The following MEIOB variants were observed in gnomAD, a reference collection of about 807,000 sequenced individuals.
The protein encoded by MEIOB is meiosis-specific with OB domain-containing protein.
Under a neutral mutation model 53.1 loss-of-function variants are expected in MEIOB, and 50 were observed. That is an observed-to-expected ratio of 0.94 (90% CI 0.75 to 1.19). MEIOB has a LOEUF of 1.19. MEIOB is among the 50% of genes most tolerant of loss of function. The probability of loss-of-function intolerance (pLI) is 0.00; values close to 1 mark genes in which losing one functional copy is unlikely to be tolerated. For missense variants in MEIOB, 551 were observed against 550.8 expected, an observed-to-expected ratio of 1.00 and a Z score of 0.00; for synonymous variants, 192 against 182.5, an observed-to-expected ratio of 1.05 and a Z score of -0.42.
At chr16:1,849,705 C>T (rs9938725) in intron 9 of MEIOB, among the ~76,000 whole-genome samples, 125,390 of 151,640 alleles carry the variant, frequency 0.83, 51,963 homozygotes, top group Middle Eastern at 0.9. Context: ...CACACAAATT[C>T]GTGCATTCTC....
At chr16:1,858,300 T>C (rs896681970) in intron 5 of MEIOB, among the ~76,000 whole-genome samples, 1 of 152,178 alleles carries the variant, frequency 6.6e-6, no homozygotes, top group African/African-American at 2.4e-5. Context: ...TGTTCTGCCT[T>C]AGTGCCTCAG....
chr16:1,866,713 T>G (rs1453624756), intron 2 of MEIOB, among the ~76,000 whole-genome samples: 1 of 150,180 alleles, frequency 6.7e-6, no homozygotes, highest in Admixed American at 6.7e-5. Flanking sequence ...AGAGCAGGAC[T>G]CCATCGCAAA....
intron 13 of MEIOB, 120 bp downstream of exon 13, chr16:1,837,664 A>G (rs59651420): frequency 0.18 from 94,457 of 534,596 alleles, 9,039 homozygotes; most frequent in South Asian, 0.27. Flanking sequence ...ATCCTTATGC[A>G]CATCTGGGAA....
At chr16:1,867,328 C>G (rs889116472) in intron 2 of MEIOB, among the ~76,000 whole-genome samples, 48 of 152,108 alleles carry the variant, frequency 3.2e-4, no homozygotes, top group Middle Eastern at 3.4e-3. Context: ...CTCAAAGAGT[C>G]AATTTTCACA....
At chr16:1,856,174 G>C (rs949278608) in intron 6 of MEIOB, among the ~76,000 whole-genome samples, 1 of 55,054 alleles carries the variant, frequency 1.8e-5, no homozygotes, top group African/African-American at 7.2e-5. Flanking sequence ...TTTTTTTTTT[G>C]AGACGGAGTC....
chr16:1,862,999 T>C (rs571965578), intron 3 of MEIOB, among the ~76,000 whole-genome samples: 67 of 151,206 alleles, frequency 4.4e-4, no homozygotes, highest in African/African-American at 1.5e-3. Context: ...GGAGGTGAGG[T>C]AGGAGAATCA....
intron 12 of MEIOB, chr16:1,838,208 C>A: frequency 2.3e-6 from 1 of 441,372 alleles, no homozygotes; most frequent in Non-Finnish European, 4.0e-6. Context: ...CTATGTTGCC[C>A]AGGGTGATCT....
intron 9 of MEIOB, 140 bp downstream of exon 9, chr16:1,852,899 T>C (rs1316895404): frequency 2.1e-5 from 13 of 605,978 alleles, no homozygotes; most frequent in African/African-American, 9.2e-5. Flanking sequence ...TGTAAGTTTT[T>C]AAAAAAGTTA....
At chr16:1,854,050 TG>T in intron 7 of MEIOB, 49 bp downstream of exon 7, 2 of 1,027,302 alleles carry the variant, frequency 1.9e-6, no homozygotes, top group Non-Finnish European at 2.9e-6. Context: ...GAAAATGTCC[TG>T]GTGATAACTA....
At chr16:1,863,448 G>A (rs1008248242) in intron 3 of MEIOB, among the ~76,000 whole-genome samples, 1 of 151,376 alleles carries the variant, frequency 6.6e-6, no homozygotes, top group Non-Finnish European at 1.5e-5. Context: ...GTGCAATGGC[G>A]CGATCTCAGC....
rs991528792 is a variant in MEIOB at position 1,872,148 on chromosome 16, C to G, written c.-165G>C. On this transcript the variant is annotated 5_prime_UTR_variant, in exon 1 of 14. Transcript: ENST00000325962. Reference sequence around the variant, plus strand: ...CGTGCAGGTGCGACGGCCGCGCGACCGTTAGCGCGAGGCCCCGCCCCGTCC... The same window carrying G: ...CGTGCAGGTGCGACGGCCGCGCGACGGTTAGCGCGAGGCCCCGCCCCGTCC... 2 of 152,020 alleles carry G rather than the reference C, an allele frequency of 1.3e-5. No individual in the cohort carries two copies. The highest frequency in any genetic ancestry group is 4.8e-5 in the African/African-American group (2 of 41,418). The allele number at this position is 152,020 out of a possible 1,614,324, so 9.4% of individuals were successfully genotyped here.
intron 5 of MEIOB, 37 bp downstream of exon 5, chr16:1,860,366 C>T (rs1899411780): frequency 8.9e-7 from 1 of 1,121,330 alleles, no homozygotes; most frequent in Admixed American, 2.1e-5. Flanking sequence ...TAGTAATGAT[C>T]ATTCTCGCAC....
chr16:1,852,083 G>C (rs1304184464), intron 9 of MEIOB, among the ~76,000 whole-genome samples: 2 of 152,138 alleles, frequency 1.3e-5, no homozygotes. Flanking sequence ...ACTACACAGA[G>C]AGTACTGTGT....
Position 1,868,170 on chromosome 16 carries a change from T to A in MEIOB, c.6A>T (p.Ala2=), listed in dbSNP as rs1239360715. 1 of 1,519,540 alleles carries A rather than the reference T, an allele frequency of 6.6e-7. No individual in the cohort carries two copies. The highest frequency in any genetic ancestry group is 2.5e-5 in the East Asian group (1 of 40,580). The allele number at this position is 1,519,540 out of a possible 1,614,324, so 94.1% of individuals were successfully genotyped here. M[A]NSFAARIFTT... ...TGAAAATCCTCGCTGCAAAGGAGTT[T>A]GCCATTTTTTTAATCTGCATTTTAG... Residue 2 remains alanine (A), a synonymous_variant, in exon 2 of 14, where the codon GCA becomes GCT. Transcript: ENST00000325962.
At chr16:1,852,721 A>G (rs1423140249) in intron 9 of MEIOB, among the ~76,000 whole-genome samples, 1 of 151,526 alleles carries the variant, frequency 6.6e-6, no homozygotes, top group Non-Finnish European at 1.5e-5. Flanking sequence ...AAGCCCAGCT[A>G]ATTTTTATAT....
intron 10 of MEIOB, among the ~76,000 whole-genome samples, chr16:1,843,789 T>C (rs921793412): frequency 4.6e-5 from 7 of 150,788 alleles, no homozygotes; most frequent in Non-Finnish European, 7.4e-5. Context: ...ACAACAAAAA[T>C]AAACTTTACA....
rs538633417 is a variant in MEIOB at position 1,863,380 on chromosome 16, C to T, written c.128-1264G>A. 9.7e-5 allele frequency among the ~76,000 whole-genome samples: 14 copies of T among 144,286 alleles called. No homozygotes were observed. The East Asian group carries it at 2.2e-3, about 23-fold the overall frequency. The allele number at this position is 144,286 out of a possible 152,430, so 94.7% of individuals were successfully genotyped here. ...TTTTTTGTTTTTTTTTTAGTAAAAA[C>T]GGGTTTCGTTTTTGTTTGTTTTTGA... is the stretch of plus-strand genomic sequence containing the variant. On this transcript the variant is annotated intron_variant, in intron 3 of 13. Transcript: ENST00000325962.
intron 5 of MEIOB, among the ~76,000 whole-genome samples, chr16:1,859,676 G>A (rs968443008): frequency 1.3e-5 from 2 of 152,202 alleles, no homozygotes; most frequent in African/African-American, 2.4e-5. Flanking sequence ...CATAAGATGA[G>A]GTCAGAAAAG....
intron 12 of MEIOB, 129 bp downstream of exon 12, chr16:1,839,126 G>A: frequency 1.8e-6 from 2 of 1,107,678 alleles, no homozygotes; most frequent in Non-Finnish European, 2.5e-6. Flanking sequence ...AAAGCAAGAT[G>A]ATTTTTTCCC....
Sources: allele counts gnomAD v4.1 joint callset (sites outside exome capture counted in the v4.1 genomes callset), GRCh38; gene constraint gnomAD v4.1.1; transcripts MANE v1.5; gene names NCBI Gene and HGNC (gene_info 2026-07-23, HGNC 2026-07-21).